Variants in GMDS observed in about 807,000 individuals in gnomAD.
The protein encoded by GMDS is GDP-mannose 4,6-dehydratase.
GMDS carries 20 observed loss-of-function variants against 49.9 expected under a neutral mutation model. The observed-to-expected ratio is 0.40, with a 90% CI of 0.28 to 0.58. GMDS has a LOEUF of 0.58. Among genes scored for constraint, GMDS ranks in the 20% least tolerant of loss-of-function variants. The pLI is 0.42. For synonymous variants in GMDS, 177 were observed against 178.6 expected (o/e 0.99, Z 0.07); for missense variants, 362 against 481.4 (o/e 0.75, Z 2.32).
intron 4 of GMDS, among the ~76,000 whole-genome samples, chr6:2,014,263 AAAC>A (rs1767758556): frequency 6.6e-6 from 1 of 151,906 alleles, no homozygotes; most frequent in African/African-American, 2.4e-5. Flanking sequence ...CAGGAAACAA[AAAC>A]AACAACCATA....
intron 9 of GMDS, among the ~76,000 whole-genome samples, chr6:1,677,618 A>T (rs1160608048): frequency 6.6e-6 from 1 of 152,090 alleles, no homozygotes; most frequent in East Asian, 1.9e-4. Context: ...TTGCAGCCAT[A>T]AAAAAGGATG....
At chr6:1,650,144 T>C (rs557544219) in intron 9 of GMDS, among the ~76,000 whole-genome samples, 2 of 152,290 alleles carry the variant, frequency 1.3e-5, no homozygotes, top group African/African-American at 4.8e-5. Context: ...TCCTTTTCCT[T>C]TCCTCATCTA....
intron 4 of GMDS, among the ~76,000 whole-genome samples, chr6:2,101,352 T>G (rs1773914964): frequency 6.7e-6 from 1 of 149,084 alleles, no homozygotes; most frequent in Admixed American, 6.6e-5. Flanking sequence ...AAAATGAAAT[T>G]TCAGTAAAGC....
At chr6:1,677,884 A>G (rs1764675726) in intron 9 of GMDS, among the ~76,000 whole-genome samples, 1 of 152,052 alleles carries the variant, frequency 6.6e-6, no homozygotes, top group Non-Finnish European at 1.5e-5. Context: ...AACATGGCAC[A>G]TGTCTACATA....
At chr6:1,987,133 T>A (rs1765599748) in intron 4 of GMDS, among the ~76,000 whole-genome samples, 1 of 152,050 alleles carries the variant, frequency 6.6e-6, no homozygotes. Flanking sequence ...TACACAGAAG[T>A]TAGGGGCAGA....
chr6:1,858,571 AT>A (rs1758043258), intron 7 of GMDS, among the ~76,000 whole-genome samples: 1 of 151,814 alleles, frequency 6.6e-6, no homozygotes, highest in African/African-American at 2.4e-5. Context: ...TTTGGTTGTT[AT>A]TTTCACTGAG....
chr6:2,028,918 G>T (rs965280880), intron 4 of GMDS, among the ~76,000 whole-genome samples: 1 of 151,924 alleles, frequency 6.6e-6, no homozygotes, highest in Non-Finnish European at 1.5e-5. Context: ...TAATGTTTTG[G>T]GAGCAAAGCA....
chr6:1,811,477 T>C (rs959234172), intron 7 of GMDS, among the ~76,000 whole-genome samples: 3 of 151,784 alleles, frequency 2.0e-5, no homozygotes, highest in Non-Finnish European at 4.4e-5. Flanking sequence ...TTAACTGGAG[T>C]AGATTATTTC....
chr6:1,628,074 C>T (rs1298713282), intron 9 of GMDS, among the ~76,000 whole-genome samples: 1 of 152,216 alleles, frequency 6.6e-6, no homozygotes, highest in African/African-American at 2.4e-5. Context: ...CTGTACCATC[C>T]AGGCATACAT....
chr6:1,645,456 C>T (rs1160839791), intron 9 of GMDS, among the ~76,000 whole-genome samples: 1 of 152,208 alleles, frequency 6.6e-6, no homozygotes, highest in Non-Finnish European at 1.5e-5. Context: ...CCCATGATGG[C>T]ATGTGCACGG....
intron 9 of GMDS, among the ~76,000 whole-genome samples, chr6:1,700,155 A>G (rs1276915586): frequency 2.6e-5 from 4 of 152,228 alleles, no homozygotes; most frequent in Admixed American, 6.5e-5. Flanking sequence ...TTCAAAGTGC[A>G]GGGAAAGGAA....
chr6:1,745,953 T>C (rs1767477529), intron 7 of GMDS, among the ~76,000 whole-genome samples: 2 of 152,186 alleles, frequency 1.3e-5, no homozygotes, highest in East Asian at 1.9e-4. Flanking sequence ...GTCGTAATGC[T>C]AGATCATGTC....
At chr6:2,118,375 G>C (rs902710431) in intron 2 of GMDS, among the ~76,000 whole-genome samples, 2 of 152,148 alleles carry the variant, frequency 1.3e-5, no homozygotes, top group Non-Finnish European at 2.9e-5. Context: ...AGCTGCCCAA[G>C]TTCCAGTTCT....
intron 1 of GMDS, among the ~76,000 whole-genome samples, chr6:2,209,400 G>A (rs955000855): frequency 6.6e-6 from 1 of 152,232 alleles, no homozygotes; most frequent in Non-Finnish European, 1.5e-5. Flanking sequence ...GCCAGAACTG[G>A]CTGACTAGCT....
chr6:2,049,534 T>C (rs778683657), intron 4 of GMDS, among the ~76,000 whole-genome samples: 1 of 152,190 alleles, frequency 6.6e-6, no homozygotes, highest in Non-Finnish European at 1.5e-5. Context: ...CCTGTGACTA[T>C]GTTATACCTC....
chr6:2,062,467 G>A (rs539650050), intron 4 of GMDS, among the ~76,000 whole-genome samples: 87 of 152,190 alleles, frequency 5.7e-4, no homozygotes, highest in African/African-American at 1.9e-3. Context: ...TGGGACTGAC[G>A]TGGATATTTG....
chr6:1,654,300 C>T (rs1355893163), intron 9 of GMDS, among the ~76,000 whole-genome samples: 1 of 152,198 alleles, frequency 6.6e-6, no homozygotes, highest in Non-Finnish European at 1.5e-5. Context: ...CAAATAGACA[C>T]TTGTCCACTC....
chr6:2,212,707 T>TAAAAAAAAAAAAAAAAAA (rs35503764), intron 1 of GMDS, among the ~76,000 whole-genome samples: 1 of 113,582 alleles, frequency 8.8e-6, no homozygotes, highest in Non-Finnish European at 1.9e-5. Flanking sequence ...GATTAACTTG[T>TAAAAAAAAAAAAAAAAAA]AAAAAAAAAA....
intron 7 of GMDS, among the ~76,000 whole-genome samples, chr6:1,780,622 C>T (rs1769039620): frequency 1.3e-5 from 2 of 152,322 alleles, no homozygotes; most frequent in African/African-American, 2.4e-5. Flanking sequence ...GGGTGCCAGG[C>T]CCAGGAGCTG....
Sources: allele counts gnomAD v4.1 joint callset (sites outside exome capture counted in the v4.1 genomes callset), GRCh38; gene constraint gnomAD v4.1.1; transcripts MANE v1.5; gene names NCBI Gene and HGNC (gene_info 2026-07-23, HGNC 2026-07-21).